BOP1: variants seen among roughly 807,000 people sequenced by gnomAD.
The protein encoded by BOP1 is BOP1 ribosomal biogenesis factor, also known as ribosome biogenesis protein BOP1.
A neutral mutation model predicts 82.9 loss-of-function variants in BOP1; 54 were observed. The ratio of observed to expected loss-of-function variants is 0.65; its 90% CI spans 0.52 to 0.82. The LOEUF (loss-of-function observed/expected upper bound fraction) is 0.82, where lower values mean the gene tolerates loss of function less well. Among genes scored for constraint, BOP1 ranks in the 40% least tolerant of loss-of-function variants. The pLI is 0.00. For missense variants in BOP1, 1,170 were observed against 1,072.0 expected (o/e 1.09, Z -1.28); for synonymous variants, 566 against 451.1 (o/e 1.25, Z -3.23).
intron 3 of BOP1, among the ~76,000 whole-genome samples, chr8:144,274,969 G>A (rs1845546697): frequency 6.6e-6 from 1 of 152,198 alleles, no homozygotes; most frequent in Non-Finnish European, 1.5e-5. Flanking sequence ...CGCTCTGAGT[G>A]AGCCCGCTGC....
At chr8:144,278,204 G>T (rs977474671) in intron 2 of BOP1, among the ~76,000 whole-genome samples, 1 of 152,188 alleles carries the variant, frequency 6.6e-6, no homozygotes, top group African/African-American at 2.4e-5. Flanking sequence ...AAGGACCGAC[G>T]GGTGGGCAGG....
intron 3 of BOP1, among the ~76,000 whole-genome samples, chr8:144,274,736 C>G (rs1456518732): frequency 6.6e-6 from 1 of 152,262 alleles, no homozygotes. Context: ...ACCCGGCAGG[C>G]GGCGGTGGCA....
intron 2 of BOP1, among the ~76,000 whole-genome samples, chr8:144,283,201 C>CAAAAAAA (rs60868806): frequency 3.4e-3 from 183 of 54,264 alleles, no homozygotes; most frequent in Middle Eastern, 0.014. Flanking sequence ...AACTCCATCT[C>CAAAAAAA]AAAAAAAAAA....
intron 3 of BOP1, chr8:144,268,361 A>C: frequency 3.2e-6 from 2 of 618,306 alleles, no homozygotes; most frequent in South Asian, 2.0e-5. Context: ...GCCCGGGCCC[A>C]CTGGAACTTT....
intron 2 of BOP1, 21 bp downstream of exon 2, chr8:144,289,073 AG>A (rs34690768): frequency 6.2e-7 from 1 of 1,613,402 alleles, no homozygotes; most frequent in Admixed American, 1.7e-5. Context: ...ACAGCCCTCG[AG>A]GGGGCTCCTC....
chr8:144,262,934 A>G lies in BOP1; in HGVS notation c.1813T>C (p.Tyr605His). 6.5e-7 allele frequency: 1 copy of G among 1,547,612 alleles called. No homozygotes were observed. Among genetic ancestry groups the G allele is most frequent in the Non-Finnish European group, 8.7e-7 (1 of 1,153,258 alleles). The change falls in exon 13 of 16, where the codon TAC becomes CAC. Residue 605 changes from tyrosine (Y) to histidine (H), a missense_variant. Physicochemically the swap from Tyr to His is moderately conservative, Grantham distance 83. Coordinates refer to ENST00000569669, the MANE Select transcript of BOP1 (RefSeq NM_015201.5). ...GTGAGCTCCTGGCGCAGCAGGTGGT[A>G]GAGGCGGACGCTGCGCTGGGACGCC... ...LVASQRSVRL[Y>H]HLLRQELTKK...
chr8:144,268,437 G>A, intron 3 of BOP1: 2 of 557,144 alleles, frequency 3.6e-6, no homozygotes. Flanking sequence ...ATAATATAAA[G>A]TCTGAAAATT....
chr8:144,280,993 C>T (rs1200008116), intron 2 of BOP1, among the ~76,000 whole-genome samples: 6 of 150,302 alleles, frequency 4.0e-5, no homozygotes, highest in Non-Finnish European at 5.9e-5. Flanking sequence ...CTTCGGCCTT[C>T]TCTCACTTTC....
Position 144,263,058 on chromosome 8 carries a change from A to T in BOP1, c.1689T>A (p.Ile563=). Residue 563 remains isoleucine, a synonymous_variant, in exon 13 of 16, where the codon ATT becomes ATA. Transcript: ENST00000569669. The part of the protein sequence containing the change: ...LATQGHTQVL[I]HQLSRRRSQS... The stretch of plus-strand genomic sequence containing the variant: ...GGCTGCGGCGACGGCTCAGCTGGTG[A>T]ATCAGCACCTGGGTGTGGCCTTGGG... 6.3e-7 allele frequency: 1 copy of T among 1,585,580 alleles called. No individual in the cohort carries two copies. Among genetic ancestry groups the T allele is most frequent in the Non-Finnish European group, 8.5e-7 (1 of 1,175,004 alleles).
At chr8:144,276,973 G>A (rs910170401) in intron 2 of BOP1, among the ~76,000 whole-genome samples, 61 of 152,320 alleles carry the variant, frequency 4.0e-4, no homozygotes, top group African/African-American at 1.4e-3. Flanking sequence ...CAGAGTGGGC[G>A]CCACTGAGAA....
chr8:144,277,324 G>A (rs1460427601), intron 2 of BOP1, among the ~76,000 whole-genome samples: 3 of 152,238 alleles, frequency 2.0e-5, no homozygotes, highest in South Asian at 2.1e-4. Flanking sequence ...GGCCTGGGGC[G>A]CTCAGTGACA....
chr8:144,265,153 G>T, intron 3 of BOP1, 82 bp from the exon 4 acceptor site: 1 of 1,507,764 alleles, frequency 6.6e-7, no homozygotes, highest in Non-Finnish European at 9.0e-7. Context: ...GCAGGTGAGG[G>T]GGTTGCAGGG....
At chr8:144,273,225 T>C (rs1845520744) in intron 3 of BOP1, among the ~76,000 whole-genome samples, 1 of 152,120 alleles carries the variant, frequency 6.6e-6, no homozygotes, top group Non-Finnish European at 1.5e-5. Context: ...GCCGGTTCAG[T>C]AGCTGGGAGA....
chr8:144,272,391 G>A (rs1277065889), intron 3 of BOP1, among the ~76,000 whole-genome samples: 10 of 152,040 alleles, frequency 6.6e-5, no homozygotes, highest in African/African-American at 1.7e-4. Flanking sequence ...GAACAGCCCC[G>A]GCCTTGGGAC....
chr8:144,269,697 G>A (rs1010423953), intron 3 of BOP1, among the ~76,000 whole-genome samples: 21 of 152,210 alleles, frequency 1.4e-4, no homozygotes, highest in Admixed American at 3.9e-4. Flanking sequence ...GGGAGGGGAG[G>A]AGAGGACAAG....
chr8:144,272,707 C>T (rs1457025685), intron 3 of BOP1, among the ~76,000 whole-genome samples: 4 of 152,252 alleles, frequency 2.6e-5, no homozygotes, highest in African/African-American at 9.6e-5. Flanking sequence ...ACCTACCAGC[C>T]ACTGCCCAGC....
chr8:144,273,412 G>T (rs1845524118), intron 3 of BOP1, among the ~76,000 whole-genome samples: 1 of 152,116 alleles, frequency 6.6e-6, no homozygotes, highest in African/African-American at 2.4e-5. Flanking sequence ...GCCTCGTGGG[G>T]GACGGCCCCA....
chr8:144,291,437 A>T lies in BOP1; in HGVS notation c.-67T>A, dbSNP rs1350287505. ...ACAGCGACCGGGCCGCGTGCGCAGGAGGACGCGCCCCGCCCAGCCCGGCCC... is the reference window on the plus strand; with the variant it reads ...ACAGCGACCGGGCCGCGTGCGCAGGTGGACGCGCCCCGCCCAGCCCGGCCC... On this transcript the variant is annotated 5_prime_UTR_variant, in exon 1 of 16. Coordinates refer to ENST00000569669, the MANE Select transcript of BOP1 (RefSeq NM_015201.5). The surrounding 1 kb of genome is among the most constrained non-coding windows in gnomAD (Gnocchi z 4.1). The T allele has an allele frequency of 2.0e-6, 2 of 988,626 alleles. No individual in the cohort carries two copies. The highest frequency in any genetic ancestry group is 3.5e-5 in the African/African-American group (2 of 57,200). 61.2% of individuals were successfully genotyped at this position (988,626 alleles called of 1,614,324 possible). A position where few individuals can be genotyped will look rare whatever the true frequency, so the allele number is the denominator to read the frequency against.
chr8:144,289,766 G>A (rs1814981612), intron 1 of BOP1, among the ~76,000 whole-genome samples: 1 of 152,182 alleles, frequency 6.6e-6, no homozygotes, highest in South Asian at 2.1e-4. Context: ...CACTAGAAAA[G>A]GGGCTGGGGG....
Sources: gnomAD v4.1 joint callset for allele counts (sites outside exome capture counted in the v4.1 genomes callset) on GRCh38, gnomAD v4.1.1 for gene constraint, Gnocchi (gnomAD v3.1) non-coding constraint, MANE v1.5 for transcripts, NCBI Gene and HGNC (gene_info 2026-07-23, HGNC 2026-07-21) for gene names.